The following MRPL19 variants were observed in gnomAD, a reference collection of about 807,000 sequenced individuals.
MRPL19 encodes large ribosomal subunit protein bL19m.
MRPL19 carries 31 observed loss-of-function variants against 34.0 expected under a neutral mutation model. That is an observed-to-expected ratio of 0.91 (90% CI 0.68 to 1.23). The LOEUF (loss-of-function observed/expected upper bound fraction) is 1.23, where lower values mean the gene tolerates loss of function less well. MRPL19 is among the 50% of genes most tolerant of loss of function. The pLI is 0.00. For missense variants in MRPL19, 384 were observed against 367.6 expected, an observed-to-expected ratio of 1.04 and a Z score of -0.37; for synonymous variants, 152 against 127.7, an observed-to-expected ratio of 1.19 and a Z score of -1.28.
At chr2:75,654,621 T>G (rs887123953) in intron 4 of MRPL19, 115 bp from the exon 5 acceptor site, 28 of 895,974 alleles carry the variant, frequency 3.1e-5, no homozygotes, top group Middle Eastern at 2.4e-4. Context: ...TAACGGCACA[T>G]TTTCTACATG....
chr2:75,651,576 G>T, intron 2 of MRPL19: 1 of 405,938 alleles, frequency 2.5e-6, no homozygotes, highest in Non-Finnish European at 4.8e-6. Context: ...AGCAAACACA[G>T]CCAACAAGCC....
At chr2:75,654,197 C>T (rs533704355) in intron 4 of MRPL19, among the ~76,000 whole-genome samples, 5 of 152,234 alleles carry the variant, frequency 3.3e-5, no homozygotes, top group African/African-American at 1.2e-4. Context: ...TTGCTGTGTG[C>T]TCTGGAAGGG....
At chr2:75,650,870 A>G (rs139805895) in intron 2 of MRPL19, among the ~76,000 whole-genome samples, 1 of 152,304 alleles carries the variant, frequency 6.6e-6, no homozygotes, top group African/African-American at 2.4e-5. Context: ...ACGAGACCCC[A>G]GGACTACCAA....
intron 2 of MRPL19, chr2:75,651,611 ACCATCT>A (rs1490960820): frequency 7.8e-6 from 3 of 383,784 alleles, no homozygotes; most frequent in Non-Finnish European, 1.5e-5. Flanking sequence ...GTCCTTCAGC[ACCATCT>A]CCAGGGCCAT....
intron 2 of MRPL19, chr2:75,651,615 T>A: frequency 2.7e-6 from 1 of 377,034 alleles, no homozygotes; most frequent in Non-Finnish European, 5.1e-6. Context: ...TTCAGCACCA[T>A]CTCCAGGGCC....
chr2:75,649,778 C>A (rs953993111), intron 2 of MRPL19, among the ~76,000 whole-genome samples: 15 of 151,992 alleles, frequency 9.9e-5, no homozygotes, highest in African/African-American at 3.4e-4. Flanking sequence ...TACAGGTGCC[C>A]GCCACCATGC....
rs1469963730 is a variant in MRPL19 at position 75,657,321 on chromosome 2, G to C, written c.*2036G>C. 2.6e-5 allele frequency: 4 copies of C among 151,960 alleles called. No individual in the cohort carries two copies. The East Asian group carries it at 5.8e-4, about 22-fold the overall frequency. 9.4% of individuals were successfully genotyped at this position (151,960 alleles called of 1,614,324 possible). A position where few individuals can be genotyped will look rare whatever the true frequency, so the allele number is the denominator to read the frequency against. ...TCCCCTCCTCCACATGAATATTTTG[G>C]TTTTGTCAGATTCCCTAGAATAGAG... is the stretch of plus-strand genomic sequence containing the variant. On this transcript the variant is annotated 3_prime_UTR_variant, in exon 6 of 6. Coordinates refer to ENST00000393909, the MANE Select transcript of MRPL19 (RefSeq NM_014763.4).
At chr2:75,652,341 A>G (rs1228373972) in intron 3 of MRPL19, 81 bp downstream of exon 3, 1 of 1,332,594 alleles carries the variant, frequency 7.5e-7, no homozygotes. Context: ...CTTAAAAAGC[A>G]AAAGAAGATT....
intron 3 of MRPL19, 65 bp from the exon 4 acceptor site, chr2:75,652,458 A>G: frequency 6.4e-7 from 1 of 1,555,062 alleles, no homozygotes; most frequent in Non-Finnish European, 8.7e-7. Flanking sequence ...TCTGCATCTT[A>G]TATAAAGTTT....
In MRPL19 at chr2:75,654,906, C is replaced by A. The variant is rs199555877; in HGVS notation, c.646C>A (p.Pro216Thr). The A allele has an allele frequency of 3.6e-5, 58 of 1,612,554 alleles. No homozygotes were observed. Among genetic ancestry groups the A allele is most frequent in the Middle Eastern group, 1.6e-4 (1 of 6,074 alleles). ...PVVQEPNQKV[P>T]VNELKVKMKP... ...AGTACAAGAGCCTAACCAAAAAGTT[C>A]CTGTTAATGAGGTATGGGTTATACA... Residue 216 changes from proline (P) to threonine (T), a missense_variant, in exon 5 of 6, where the codon CCT becomes ACT. Coordinates refer to ENST00000393909, the MANE Select transcript of MRPL19 (RefSeq NM_014763.4).
Position 75,652,508 on chromosome 2 carries a change from C to T in MRPL19, c.341-15C>T, listed in dbSNP as rs1678354163. ...TGTGCTGAAAAAAAAGTTCACTTCT[C>T]TTTTGAATTTGTAGGAAGTATTCTT... On this transcript the variant is annotated splice_polypyrimidine_tract_variant and intron_variant, in intron 3 of 5. Transcript: ENST00000393909. 1.2e-6 allele frequency: 2 copies of T among 1,605,946 alleles called. No individual in the cohort carries two copies. The highest frequency in any genetic ancestry group is 1.3e-5 in the African/African-American group (1 of 74,482).
intron 2 of MRPL19, chr2:75,647,611 G>A (rs57164844): frequency 0.026 from 4,210 of 163,592 alleles, 77 homozygotes; most frequent in African/African-American, 0.055. Context: ...AATTTGCTAT[G>A]GTTTAGGTTG....
intron 1 of MRPL19, 66 bp downstream of exon 1, chr2:75,646,976 A>C: frequency 6.7e-7 from 1 of 1,493,504 alleles, no homozygotes; most frequent in Non-Finnish European, 9.0e-7. Context: ...GGGGAGGCGA[A>C]CCTGGAGATC....
In MRPL19 at chr2:75,661,745, A is replaced by T. The variant is rs977535541; in HGVS notation, c.*6460A>T. On this transcript the variant is annotated 3_prime_UTR_variant, in exon 6 of 6. Coordinates refer to ENST00000393909, the MANE Select transcript of MRPL19 (RefSeq NM_014763.4). Reference sequence around the variant, plus strand: ...AGCTTGTTGCCAAGGCTGATCTTGAACTCCTGGCCTCAAACGATCCTCCCA... The same window carrying T: ...AGCTTGTTGCCAAGGCTGATCTTGATCTCCTGGCCTCAAACGATCCTCCCA... The T allele has an allele frequency of 1.3e-5, 2 of 151,702 alleles. No homozygotes were observed. Among genetic ancestry groups the T allele is most frequent in the Non-Finnish European group, 2.9e-5 (2 of 67,984 alleles). The allele number at this position is 151,702 out of a possible 1,614,324, so 9.4% of individuals were successfully genotyped here.
At chr2:75,652,075 A>G (rs1297945278) in intron 2 of MRPL19, 67 bp from the exon 3 acceptor site, 2 of 906,602 alleles carry the variant, frequency 2.2e-6, no homozygotes, top group African/African-American at 1.7e-5. Context: ...TTTCTTTGAA[A>G]AGCAACAATT....
In MRPL19 at chr2:75,659,027, G is replaced by A. The variant is rs989170189; in HGVS notation, c.*3742G>A. ...ATCCATTTGCATTTAAAGTAATTAA[G>A]GAAGGACTTTCTTCTACCATTTAAC... On this transcript the variant is annotated 3_prime_UTR_variant, in exon 6 of 6. Transcript: ENST00000393909. Among the ~76,000 whole-genome samples, 1 of 151,924 alleles carries A rather than the reference G, an allele frequency of 6.6e-6. No individual in the cohort carries two copies. Among genetic ancestry groups the A allele is most frequent in the Non-Finnish European group, 1.5e-5 (1 of 67,964 alleles).
chr2:75,647,079 A>T, intron 1 of MRPL19, 23 bp from the exon 2 acceptor site: 1 of 1,563,222 alleles, frequency 6.4e-7, no homozygotes. Context: ...GAGAGTTCTG[A>T]CCTCCGTCGT....
In MRPL19 at chr2:75,651,830, GTTAT is replaced by G. The variant is rs1197210113; in HGVS notation, c.222-308_222-305del. Among the ~76,000 whole-genome samples, 8 of 152,308 alleles carry G rather than the reference GTTAT, an allele frequency of 5.3e-5. No homozygotes were observed. The East Asian group carries it at 1.4e-3, about 26-fold the overall frequency. On this transcript the variant is annotated intron_variant, in intron 2 of 5. Coordinates refer to ENST00000393909, the MANE Select transcript of MRPL19 (RefSeq NM_014763.4). ...TTATAGCTAATGTAGCAATGGGTTA[GTTAT>G]TTACCTTTTTCAAGCTTCAGTTTCT...
At chr2:75,650,365 A>G (rs774383581) in intron 2 of MRPL19, among the ~76,000 whole-genome samples, 54 of 152,230 alleles carry the variant, frequency 3.5e-4, no homozygotes, top group Non-Finnish European at 3.1e-4. Flanking sequence ...CTTCATTTCT[A>G]CAATCACAAC....
Sources: gnomAD v4.1 joint callset for allele counts (sites outside exome capture counted in the v4.1 genomes callset) on GRCh38, gnomAD v4.1.1 for gene constraint, MANE v1.5 for transcripts, NCBI Gene and HGNC (gene_info 2026-07-23, HGNC 2026-07-21) for gene names.